MSL2: variants seen among roughly 807,000 people sequenced by gnomAD.
The protein encoded by MSL2 is MSL complex subunit 2.
A neutral mutation model predicts 35.8 loss-of-function variants in MSL2; 2 were observed. The observed-to-expected ratio is 0.06, with a 90% CI of 0.02 to 0.18. The LOEUF (loss-of-function observed/expected upper bound fraction) is 0.18. MSL2 is among the 10% of genes least tolerant of loss of function. The probability of loss-of-function intolerance (pLI) is 1.00; values close to 1 mark genes in which losing one functional copy is unlikely to be tolerated. For missense variants in MSL2, 523 were observed against 706.7 expected, an observed-to-expected ratio of 0.74 and a Z score of 2.95; for synonymous variants, 296 against 255.7, an observed-to-expected ratio of 1.16 and a Z score of -1.50.
chr3:136,166,065 A>G (rs916550574), intron 1 of MSL2, among the ~76,000 whole-genome samples: 2 of 79,048 alleles, frequency 2.5e-5, no homozygotes, highest in Non-Finnish European at 6.0e-5. Flanking sequence ...GTACCAGTAA[A>G]AAAAAAAAAA....
At chr3:136,188,414 C>G (rs1157877890) in intron 1 of MSL2, among the ~76,000 whole-genome samples, 1 of 145,558 alleles carries the variant, frequency 6.9e-6, no homozygotes, top group Non-Finnish European at 1.5e-5. Context: ...AGCCTGACAA[C>G]AGAGCAAGAC....
chr3:136,194,166 C>T (rs754443232), intron 1 of MSL2, among the ~76,000 whole-genome samples: 1 of 152,164 alleles, frequency 6.6e-6, no homozygotes, highest in Non-Finnish European at 1.5e-5. Context: ...ACGTTTCAGT[C>T]CAGGTTTTTC....
At chr3:136,159,265 A>G (rs924837011) in intron 1 of MSL2, among the ~76,000 whole-genome samples, 14 of 152,066 alleles carry the variant, frequency 9.2e-5, no homozygotes, top group African/African-American at 3.4e-4. Flanking sequence ...AACAGAATTC[A>G]GAGTCCAGAA....
chr3:136,156,607 T>C (rs1025947162), intron 1 of MSL2, among the ~76,000 whole-genome samples: 1 of 152,242 alleles, frequency 6.6e-6, no homozygotes, highest in African/African-American at 2.4e-5. Context: ...GGCTCACGCC[T>C]GTAATCCAGC....
chr3:136,186,007 T>A (rs577507466), intron 1 of MSL2, among the ~76,000 whole-genome samples: 19 of 152,228 alleles, frequency 1.2e-4, no homozygotes, highest in Non-Finnish European at 1.8e-4. Flanking sequence ...CATGGCTGTT[T>A]TGCAGAATAT....
intron 1 of MSL2, among the ~76,000 whole-genome samples, chr3:136,177,636 G>A (rs185540520): frequency 0.012 from 1,596 of 138,470 alleles, 31 homozygotes; most frequent in African/African-American, 0.041. Context: ...CTGAGATCAC[G>A]ACACTGCACT....
chr3:136,151,409 A>G lies in MSL2; in HGVS notation c.1472T>C (p.Leu491Ser), dbSNP rs1469342721. 1 of 1,614,178 alleles carries G rather than the reference A, an allele frequency of 6.2e-7. No individual in the cohort carries two copies. The highest frequency in any genetic ancestry group is 1.3e-5 in the African/African-American group (1 of 75,054). ...TTGGCAGCCACGACATATACAATCT[A>G]AGCAGGCTTTGCGGTTAGAGTAGCA... ...CPCYSNRKACLDCICRGCQNS... is the reference protein window; with the variant it reads ...CPCYSNRKACSDCICRGCQNS... The change falls in exon 2 of 2, where the codon TTA (leucine) becomes TCA (serine). Residue 491 changes from leucine (L) to serine (S), a missense_variant. Coordinates refer to ENST00000309993, the MANE Select transcript of MSL2 (RefSeq NM_018133.4). This position sits in a 1 kb window ranked among gnomAD's most constrained non-coding sequence, Gnocchi z 5.2.
At position 136,151,685 on chromosome 3, in the gene MSL2, T is replaced by C; in HGVS notation, c.1196A>G (p.Lys399Arg). ...GCTTTTAGTAGATAAAAGTACAGTTTTGCTGATTTTAGGTGTTGTGCCTCC... is the reference window on the plus strand; with the variant it reads ...GCTTTTAGTAGATAAAAGTACAGTTCTGCTGATTTTAGGTGTTGTGCCTCC... Reference protein sequence around the residue: ...PNGGTTPKISKTVLLSTKSMK... With the variant: ...PNGGTTPKISRTVLLSTKSMK... Residue 399 changes from lysine (K) to arginine (R), a missense_variant, in exon 2 of 2, where the codon AAA (lysine) becomes AGA (arginine). Lys to Arg is a conservative substitution (Grantham distance 26, BLOSUM62 2). Coordinates refer to ENST00000309993, the MANE Select transcript of MSL2 (RefSeq NM_018133.4). This position sits in a 1 kb window ranked among gnomAD's most constrained non-coding sequence, Gnocchi z 5.2. The C allele has an allele frequency of 3.1e-6, 5 of 1,614,176 alleles. No homozygotes were observed. The highest frequency in any genetic ancestry group is 4.2e-6 in the Non-Finnish European group (5 of 1,180,018).
intron 1 of MSL2, among the ~76,000 whole-genome samples, chr3:136,193,275 T>C (rs1412514264): frequency 6.6e-6 from 1 of 152,122 alleles, no homozygotes; most frequent in Non-Finnish European, 1.5e-5. Context: ...CTGAGGTTCT[T>C]AACAGTTTTA....
intron 1 of MSL2, among the ~76,000 whole-genome samples, chr3:136,172,311 C>T (rs1940049225): frequency 6.6e-6 from 1 of 152,024 alleles, no homozygotes; most frequent in Admixed American, 6.6e-5. Context: ...TTTCTTCTTC[C>T]CTCCTACGTA....
At chr3:136,194,473 G>A (rs1181506940) in intron 1 of MSL2, 4 of 985,722 alleles carry the variant, frequency 4.1e-6, no homozygotes, top group Non-Finnish European at 4.8e-6. Context: ...ATTTGTGGAG[G>A]AACCTGGGGC....
intron 1 of MSL2, among the ~76,000 whole-genome samples, chr3:136,172,114 A>G (rs1373748527): frequency 6.6e-6 from 1 of 152,168 alleles, no homozygotes; most frequent in African/African-American, 2.4e-5. Context: ...CCTGGCCTGT[A>G]TATTGAAATT....
intron 1 of MSL2, among the ~76,000 whole-genome samples, chr3:136,190,367 C>G (rs965974949): frequency 6.6e-6 from 1 of 152,128 alleles, no homozygotes; most frequent in Admixed American, 6.5e-5. Flanking sequence ...CTAGACAACA[C>G]AGCAAGGCCA....
intron 1 of MSL2, among the ~76,000 whole-genome samples, chr3:136,159,543 T>TG (rs1553764721): frequency 1.1e-4 from 16 of 145,342 alleles, no homozygotes; most frequent in African/African-American, 3.6e-4. Context: ...TTTTTTTTTT[T>TG]GCATTTTTAG....
At chr3:136,180,378 G>A (rs1012821439) in intron 1 of MSL2, among the ~76,000 whole-genome samples, 1 of 151,984 alleles carries the variant, frequency 6.6e-6, no homozygotes, top group Non-Finnish European at 1.5e-5. Context: ...TCTTTTTAAC[G>A]TTACTTTTTG....
intron 1 of MSL2, among the ~76,000 whole-genome samples, chr3:136,163,366 ATG>A (rs899035420): frequency 6.6e-6 from 1 of 152,176 alleles, no homozygotes; most frequent in Admixed American, 6.5e-5. Context: ...TCCTAGCACT[ATG>A]TGTGTGTGTA....
At chr3:136,173,194 G>A (rs1940077506) in intron 1 of MSL2, among the ~76,000 whole-genome samples, 1 of 151,990 alleles carries the variant, frequency 6.6e-6, no homozygotes, top group South Asian at 2.1e-4. Flanking sequence ...AAAAGAAGGT[G>A]GAACATACTT....
At chr3:136,160,385 A>G (rs1167209972) in intron 1 of MSL2, among the ~76,000 whole-genome samples, 1 of 134,564 alleles carries the variant, frequency 7.4e-6, no homozygotes, top group Non-Finnish European at 1.6e-5. Flanking sequence ...GAGATCAAAA[A>G]TAAACCACAG....
chr3:136,186,893 C>A (rs945744992), intron 1 of MSL2, among the ~76,000 whole-genome samples: 4 of 152,178 alleles, frequency 2.6e-5, no homozygotes, highest in African/African-American at 7.2e-5. Flanking sequence ...AGGTAGGGAA[C>A]TGCCGCTTTA....
Sources: gnomAD v4.1 joint callset for allele counts (sites outside exome capture counted in the v4.1 genomes callset) on GRCh38, gnomAD v4.1.1 for gene constraint, Gnocchi (gnomAD v3.1) non-coding constraint, MANE v1.5 for transcripts, NCBI Gene and HGNC (gene_info 2026-07-23, HGNC 2026-07-21) for gene names.